Variants in ABLIM1 observed in about 807,000 individuals in gnomAD.
ABLIM1 encodes the protein actin-binding LIM protein 1.
ABLIM1 carries 40 observed loss-of-function variants against 107.0 expected under a neutral mutation model. The ratio of observed to expected loss-of-function variants is 0.37; its 90% CI spans 0.29 to 0.49. The LOEUF (loss-of-function observed/expected upper bound fraction) is 0.49, where lower values mean the gene tolerates loss of function less well. Ranked by LOEUF, ABLIM1 falls within the 20% of genes least tolerant of loss-of-function variation. The pLI, the probability that ABLIM1 is intolerant of heterozygous loss-of-function variation, is 0.97. For missense variants in ABLIM1, 857 were observed against 1,008.5 expected, an observed-to-expected ratio of 0.85 and a Z score of 2.04; for synonymous variants, 357 against 357.3, an observed-to-expected ratio of 1.00 and a Z score of 0.01.
intron 1 of ABLIM1, among the ~76,000 whole-genome samples, chr10:114,622,438 A>T (rs751912928): frequency 6.6e-5 from 10 of 150,630 alleles, no homozygotes; most frequent in Non-Finnish European, 1.3e-4. Context: ...GGATGGGGGG[A>T]ATTTTGTTTT....
chr10:114,706,004 G>A (rs1400354614), intron 1 of ABLIM1, among the ~76,000 whole-genome samples: 3 of 152,086 alleles, frequency 2.0e-5, no homozygotes, highest in Admixed American at 6.6e-5. Context: ...TTACCCTAAA[G>A]AACTGGATCC....
At chr10:114,487,174 T>G (rs1274392534) in intron 8 of ABLIM1, among the ~76,000 whole-genome samples, 1 of 152,210 alleles carries the variant, frequency 6.6e-6, no homozygotes, top group Non-Finnish European at 1.5e-5. Flanking sequence ...TGCACTAGAA[T>G]CTGGCCTCCA....
chr10:114,485,341 A>T, intron 8 of ABLIM1: 1 of 1,613,260 alleles, frequency 6.2e-7, no homozygotes, highest in Non-Finnish European at 8.5e-7. Context: ...AGACTTTTGG[A>T]ATAAAAGAAA....
chr10:114,778,887 C>T, the ABLIM1 span: 4 of 152,280 alleles, frequency 2.6e-5, no homozygotes, highest in East Asian at 1.9e-4. Context: ...CCCCATAACA[C>T]AAAATGAGTC....
chr10:114,570,238 C>T (rs368075376), intron 4 of ABLIM1, among the ~76,000 whole-genome samples: 8 of 152,292 alleles, frequency 5.3e-5, no homozygotes, highest in South Asian at 2.1e-4. Context: ...GCCCACAGTT[C>T]ATAATGCATC....
At chr10:114,578,560 C>T (rs1045270201) in intron 2 of ABLIM1, among the ~76,000 whole-genome samples, 1 of 151,918 alleles carries the variant, frequency 6.6e-6, no homozygotes, top group Non-Finnish European at 1.5e-5. Flanking sequence ...GCATGTGCCA[C>T]CACACCCGGC....
At chr10:114,684,236 C>T in intron 1 of ABLIM1, 2 of 1,554,500 alleles carry the variant, frequency 1.3e-6, no homozygotes, top group Non-Finnish European at 1.8e-6. Flanking sequence ...TCTTTAAAGA[C>T]ACGGTCGACC....
chr10:114,617,550 G>T (rs917695842), intron 1 of ABLIM1, among the ~76,000 whole-genome samples: 2 of 151,996 alleles, frequency 1.3e-5, no homozygotes, highest in Non-Finnish European at 2.9e-5. Flanking sequence ...TTACAGGCAT[G>T]AGCCACTGTG....
intron 1 of ABLIM1, among the ~76,000 whole-genome samples, chr10:114,684,073 ATAT>A (rs773691532): frequency 4.6e-5 from 7 of 152,198 alleles, no homozygotes; most frequent in Non-Finnish European, 8.8e-5. Flanking sequence ...ACATCCTGTT[ATAT>A]TAAGAATATA....
intron 6 of ABLIM1, among the ~76,000 whole-genome samples, chr10:114,519,839 A>G (rs1428138720): frequency 6.6e-6 from 1 of 152,212 alleles, no homozygotes; most frequent in African/African-American, 2.4e-5. Context: ...ACCTGTGGGT[A>G]CTACCTCCCT....
At chr10:114,559,438 C>CAAAAAAAAAAAAAAAAAAAAAAA (rs72456292) in intron 4 of ABLIM1, among the ~76,000 whole-genome samples, 4 of 49,346 alleles carry the variant, frequency 8.1e-5, no homozygotes, top group Non-Finnish European at 1.1e-4. Context: ...ACTCGTCTCT[C>CAAAAAAAAAAAAAAAAAAAAAAA]AAAAAAAAAA....
At chr10:114,801,027 T>C in the ABLIM1 span, among the ~76,000 whole-genome samples, 2 of 152,210 alleles carry the variant, frequency 1.3e-5, no homozygotes, top group Non-Finnish European at 2.9e-5. Flanking sequence ...TTACCAATAA[T>C]ACAAACAGTT....
intron 1 of ABLIM1, among the ~76,000 whole-genome samples, chr10:114,718,029 A>AGGAAG (rs1555227665): frequency 8.8e-6 from 1 of 113,110 alleles, no homozygotes; most frequent in Non-Finnish European, 1.8e-5. Context: ...GAAGGAAGGA[A>AGGAAG]GGAGAAAGAG....
upstream of ABLIM1, among the ~76,000 whole-genome samples, chr10:114,658,660 C>T (rs536499527): frequency 7.9e-4 from 120 of 152,204 alleles, no homozygotes; most frequent in South Asian, 9.3e-3. Flanking sequence ...TCCAGTATTT[C>T]AGATCTCACA....
intron 1 of ABLIM1, among the ~76,000 whole-genome samples, chr10:114,615,789 A>G (rs1232054055): frequency 2.6e-5 from 4 of 152,146 alleles, no homozygotes; most frequent in Non-Finnish European, 5.9e-5. Context: ...ACAAAAAATA[A>G]AAGACTCATT....
intron 1 of ABLIM1, among the ~76,000 whole-genome samples, chr10:114,738,665 G>A (rs2082229550): frequency 6.6e-6 from 1 of 152,138 alleles, no homozygotes; most frequent in South Asian, 2.1e-4. Flanking sequence ...GTCTTTGCTA[G>A]CTCACTTATG....
intron 22 of ABLIM1, 95 bp from the exon 23 acceptor site, chr10:114,436,468 T>A: frequency 3.2e-6 from 3 of 926,840 alleles, no homozygotes; most frequent in Non-Finnish European, 5.0e-6. Flanking sequence ...AGAGTCATTC[T>A]GAAGAACAAG....
intron 11 of ABLIM1, among the ~76,000 whole-genome samples, chr10:114,467,695 T>C (rs4457666): frequency 6.6e-6 from 1 of 152,126 alleles, no homozygotes; most frequent in Non-Finnish European, 1.5e-5. Flanking sequence ...ATTACAGAGA[T>C]TCCCTAAAAG....
intron 7 of ABLIM1, among the ~76,000 whole-genome samples, chr10:114,490,040 T>C (rs892613976): frequency 1.3e-5 from 2 of 152,218 alleles, no homozygotes. Flanking sequence ...ACAGGGTTGA[T>C]TGGCACTCCT....
Sources: gnomAD v4.1 joint callset for allele counts (sites outside exome capture counted in the v4.1 genomes callset) on GRCh38, gnomAD v4.1.1 for gene constraint, MANE v1.5 for transcripts, NCBI Gene and HGNC (gene_info 2026-07-23, HGNC 2026-07-21) for gene names.